Variants in CREBBP observed in about 807,000 individuals in gnomAD.
CREBBP encodes CREB-binding protein.
Under a neutral mutation model 265.0 loss-of-function variants are expected in CREBBP, and 19 were observed. That is an observed-to-expected ratio of 0.07 (90% CI 0.05 to 0.11). CREBBP has a LOEUF of 0.11. CREBBP is among the 10% of genes least tolerant of loss of function. The pLI, the probability that CREBBP is intolerant of heterozygous loss-of-function variation, is 1.00. For missense variants in CREBBP, 2,525 were observed against 3,219.0 expected (o/e 0.78, Z 5.22); for synonymous variants, 1,457 against 1,223.7 (o/e 1.19, Z -3.98).
chr16:3,767,738 AAGG>A lies in CREBBP; in HGVS notation c.3229_3231del (p.Pro1077del). ...GGCCTACTTTTTTTGCGCGGCTGCG[AAGG>A]AGATGTTGACTGAGAGGCTGTGCCG... On this transcript the variant is annotated inframe_deletion, in exon 16 of 31. Coordinates refer to ENST00000262367, the MANE Select transcript of CREBBP (RefSeq NM_004380.3). The A allele has an allele frequency of 6.2e-7, 1 of 1,614,246 alleles. No homozygotes were observed. Among genetic ancestry groups the A allele is most frequent in the Non-Finnish European group, 8.5e-7 (1 of 1,180,040 alleles).
intron 23 of CREBBP, 146 bp downstream of exon 23, chr16:3,744,748 C>CA: frequency 1.4e-6 from 1 of 717,076 alleles, no homozygotes; most frequent in Non-Finnish European, 2.5e-6. Flanking sequence ...AAGAAAAATA[C>CA]AAAGTACTGG....
chr16:3,777,674 A>G lies in CREBBP; in HGVS notation c.2114-17T>C. The G allele has an allele frequency of 6.2e-7, 1 of 1,613,770 alleles. No homozygotes were observed. Among genetic ancestry groups the G allele is most frequent in the Non-Finnish European group, 8.5e-7 (1 of 1,179,842 alleles). Reference sequence around the variant, plus strand: ...GGGGTCCATCTATGGTGGCAAAACAAAAACAAAAACAAAACCACCCTAGTT... The same window carrying G: ...GGGGTCCATCTATGGTGGCAAAACAGAAACAAAAACAAAACCACCCTAGTT... On this transcript the variant is annotated splice_polypyrimidine_tract_variant and intron_variant, in intron 10 of 30. Coordinates refer to ENST00000262367, the MANE Select transcript of CREBBP (RefSeq NM_004380.3).
chr16:3,795,947 G>A lies in CREBBP; in HGVS notation c.976-2321C>T, dbSNP rs945075623. Among the ~76,000 whole-genome samples the A allele has an allele frequency of 3.3e-5, 5 of 152,186 alleles. No individual in the cohort carries two copies. In the East Asian group the frequency reaches 9.6e-4, roughly 29 times the overall value. ...GAGTCATATCCCAATTTCTCTGGTTGTCCAAAACATGTCTTTTAGAGCTGG... is the reference window on the plus strand; with the variant it reads ...GAGTCATATCCCAATTTCTCTGGTTATCCAAAACATGTCTTTTAGAGCTGG... On this transcript the variant is annotated intron_variant, in intron 3 of 30. Transcript: ENST00000262367.
At position 3,740,451 on chromosome 16, in the gene CREBBP, C is replaced by T; in HGVS notation, c.4081G>A (p.Val1361Met). 6.2e-7 allele frequency: 1 copy of T among 1,614,188 alleles called. No individual in the cohort carries two copies. The highest frequency in any genetic ancestry group is 1.1e-5 in the South Asian group (1 of 91,084). Reference protein sequence around the residue: ...HPEAGEVFVRVVASSDKTVEV... With the variant: ...HPEAGEVFVRMVASSDKTVEV... ...ACCGTCTTGTCTGAGCTGGCCACCA[C>T]TCGGACAAAAACCTCCCCGGCTTCA... The change falls in exon 24 of 31, where the codon GTG (valine) becomes ATG (methionine). Residue 1361 changes from valine (V) to methionine (M), a missense_variant. Physicochemically the swap from Val to Met is conservative, Grantham distance 21 (BLOSUM62 1). Transcript: ENST00000262367.
chr16:3,854,341 G>A (rs1236858669), intron 1 of CREBBP, among the ~76,000 whole-genome samples: 1 of 152,170 alleles, frequency 6.6e-6, no homozygotes, highest in Non-Finnish European at 1.5e-5. Flanking sequence ...CAATCACCCT[G>A]TAGCCAGGAG....
intron 3 of CREBBP, among the ~76,000 whole-genome samples, chr16:3,802,183 G>C (rs749673476): frequency 1.3e-4 from 16 of 122,042 alleles, no homozygotes; most frequent in Non-Finnish European, 2.5e-4. Flanking sequence ...CCAGGCTGGA[G>C]TGCAATAGCA....
chr16:3,750,987 C>T (rs1372094127), intron 20 of CREBBP, among the ~76,000 whole-genome samples: 1 of 152,070 alleles, frequency 6.6e-6, no homozygotes, highest in Non-Finnish European at 1.5e-5. Flanking sequence ...CTTTGGAAGG[C>T]CAAGGCAGGA....
chr16:3,773,996 G>A, intron 12 of CREBBP, 66 bp from the exon 13 acceptor site: 1 of 1,560,094 alleles, frequency 6.4e-7, no homozygotes, highest in Non-Finnish European at 8.8e-7. Context: ...TTCAAGGTGA[G>A]CCAGAATGAT....
chr16:3,848,201 G>C (rs923140551), intron 2 of CREBBP, among the ~76,000 whole-genome samples: 3 of 151,566 alleles, frequency 2.0e-5, no homozygotes, highest in Non-Finnish European at 4.4e-5. Context: ...CAACATATGA[G>C]ACCACTGGAA....
intron 16 of CREBBP, among the ~76,000 whole-genome samples, chr16:3,760,076 G>C (rs188451122): frequency 2.0e-5 from 3 of 152,232 alleles, no homozygotes; most frequent in Non-Finnish European, 4.4e-5. Flanking sequence ...TTTTTTCTTG[G>C]TGTTCTTTAA....
intron 14 of CREBBP, among the ~76,000 whole-genome samples, 153 bp from the exon 15 acceptor site, chr16:3,769,506 G>C (rs2052946987): frequency 1.3e-5 from 2 of 152,194 alleles, no homozygotes; most frequent in Admixed American, 6.5e-5. Context: ...AGGGGTTAAA[G>C]TAGGAATGAG....
intron 1 of CREBBP, among the ~76,000 whole-genome samples, chr16:3,865,617 C>CT (rs757829176): frequency 1.9e-4 from 29 of 152,110 alleles, no homozygotes; most frequent in Non-Finnish European, 4.0e-4. Context: ...GAATGAACTA[C>CT]TAGTTTAAGT....
chr16:3,858,722 G>A (rs552403711), intron 1 of CREBBP, among the ~76,000 whole-genome samples: 4 of 152,264 alleles, frequency 2.6e-5, no homozygotes, highest in South Asian at 2.1e-4. Flanking sequence ...AAACAATAAC[G>A]AATTCTCTAG....
intron 6 of CREBBP, 78 bp from the exon 7 acceptor site, chr16:3,781,384 A>C: frequency 8.9e-7 from 1 of 1,117,964 alleles, no homozygotes; most frequent in Non-Finnish European, 1.3e-6. Context: ...GATAACCAAC[A>C]TGCCACCATA....
chr16:3,777,987 G>A (rs2053185131), intron 10 of CREBBP, 24 bp downstream of exon 10: 1 of 1,612,562 alleles, frequency 6.2e-7, no homozygotes, highest in South Asian at 1.1e-5. Context: ...GCTAAGGGAT[G>A]GCAGTAGGAA....
chr16:3,757,762 TG>T (rs1275983509), intron 18 of CREBBP, 46 bp downstream of exon 18: 8 of 1,609,964 alleles, frequency 5.0e-6, no homozygotes, highest in African/African-American at 1.3e-5. Context: ...CCCCTCTGGC[TG>T]GATTAACCAG....
At chr16:3,761,003 G>A (rs1315816413) in intron 16 of CREBBP, among the ~76,000 whole-genome samples, 1 of 152,042 alleles carries the variant, frequency 6.6e-6, no homozygotes, top group African/African-American at 2.4e-5. Context: ...TGTCTAGGCT[G>A]GAGTGCAATG....
At chr16:3,876,239 T>A (rs1164218807) in intron 1 of CREBBP, among the ~76,000 whole-genome samples, 1 of 151,640 alleles carries the variant, frequency 6.6e-6, no homozygotes, top group African/African-American at 2.4e-5. Flanking sequence ...GGGGTCTCAC[T>A]ATGTTGTCCA....
At chr16:3,848,892 G>A (rs1351312683) in intron 2 of CREBBP, among the ~76,000 whole-genome samples, 1 of 152,034 alleles carries the variant, frequency 6.6e-6, no homozygotes, top group Admixed American at 6.6e-5. Flanking sequence ...TTTCAAAAAA[G>A]ACAAATGCAA....
Sources: allele counts gnomAD v4.1 joint callset (sites outside exome capture counted in the v4.1 genomes callset), GRCh38; gene constraint gnomAD v4.1.1; transcripts MANE v1.5; gene names NCBI Gene and HGNC (gene_info 2026-07-23, HGNC 2026-07-21).